Variants in CLDN16 observed in about 807,000 individuals in gnomAD.
CLDN16 encodes the protein claudin-16.
Under a neutral mutation model 24.6 loss-of-function variants are expected in CLDN16, and 13 were observed. That is an observed-to-expected ratio of 0.53 (90% CI 0.34 to 0.84). The LOEUF is 0.84. Ranked by LOEUF, CLDN16 falls within the 40% of genes least tolerant of loss-of-function variation. The pLI is 0.01. For missense variants in CLDN16, 298 were observed against 292.7 expected, an observed-to-expected ratio of 1.02 and a Z score of -0.13; for synonymous variants, 116 against 106.7, an observed-to-expected ratio of 1.09 and a Z score of -0.54.
At chr3:190,300,835 T>TA in the CLDN16 span, among the ~76,000 whole-genome samples, 1 of 152,146 alleles carries the variant, frequency 6.6e-6, no homozygotes, top group South Asian at 2.1e-4. Context: ...ATGCAATTAT[T>TA]AAAAGGGCAG....
chr3:190,331,207 T>A (rs1258959097), intron 1 of CLDN16, among the ~76,000 whole-genome samples: 2 of 152,190 alleles, frequency 1.3e-5, no homozygotes, highest in African/African-American at 4.8e-5. Flanking sequence ...TGGCTGGAAT[T>A]TGAATGCAAA....
chr3:190,353,066 G>A (rs922556936), intron 1 of CLDN16, among the ~76,000 whole-genome samples: 1 of 151,992 alleles, frequency 6.6e-6, no homozygotes, highest in Non-Finnish European at 1.5e-5. Context: ...TATTTGCTGA[G>A]TAAGTGATTT....
chr3:190,314,175 T>G, the CLDN16 span, among the ~76,000 whole-genome samples: 3 of 152,222 alleles, frequency 2.0e-5, no homozygotes, highest in South Asian at 6.2e-4. Flanking sequence ...TTGGAACAAT[T>G]GACTCCTTGA....
intron 1 of CLDN16, among the ~76,000 whole-genome samples, chr3:190,344,701 T>TA (rs5855325): frequency 0.048 from 7,040 of 145,336 alleles, 209 homozygotes; most frequent in Non-Finnish European, 0.061. Context: ...GCTGTGGAAA[T>TA]AAAAAAAAAA....
rs1411238482 is a variant in CLDN16 at position 190,410,961 on chromosome 3, A to C, written c.*925A>C. 6.6e-6 allele frequency: 1 copy of C among 152,190 alleles called. No individual in the cohort carries two copies. The highest frequency in any genetic ancestry group is 1.9e-4 in the East Asian group (1 of 5,196). 9.4% of individuals were successfully genotyped at this position (152,190 alleles called of 1,614,324 possible). On this transcript the variant is annotated 3_prime_UTR_variant, in exon 5 of 5. Coordinates refer to ENST00000264734, the MANE Select transcript of CLDN16 (RefSeq NM_006580.4). ...TAAATAAATAAACGTTCACGACTTT[A>C]CTTAAAAAATCAATGTTGCGGCTGG... is the stretch of plus-strand genomic sequence containing the variant.
chr3:190,354,950 C>T (rs1717738219), intron 1 of CLDN16, among the ~76,000 whole-genome samples: 1 of 151,978 alleles, frequency 6.6e-6, no homozygotes, highest in South Asian at 2.1e-4. Context: ...TGTCAAGTGC[C>T]TAACAAGTGG....
intron 1 of CLDN16, among the ~76,000 whole-genome samples, chr3:190,361,394 C>T (rs995903538): frequency 2.0e-5 from 3 of 151,958 alleles, no homozygotes; most frequent in African/African-American, 7.2e-5. Context: ...CTTGTTCATT[C>T]CTGAGCGTAG....
At chr3:190,350,377 G>C (rs1461956546) in intron 1 of CLDN16, among the ~76,000 whole-genome samples, 1 of 126,930 alleles carries the variant, frequency 7.9e-6, no homozygotes, top group Non-Finnish European at 1.7e-5. Flanking sequence ...CTTTATTATA[G>C]ATGTTGGATT....
intron 1 of CLDN16, among the ~76,000 whole-genome samples, chr3:190,337,763 G>A (rs74395351): frequency 0.07 from 10,720 of 152,156 alleles, 561 homozygotes; most frequent in African/African-American, 0.14. Flanking sequence ...TAGTATTTCT[G>A]TCAGCATTAT....
In CLDN16 at chr3:190,391,457, C is replaced by G. The variant is rs374520283; in HGVS notation, c.114+3014C>G. Among the ~76,000 whole-genome samples, 6 of 152,044 alleles carry G rather than the reference C, an allele frequency of 3.9e-5. No individual in the cohort carries two copies. In the East Asian group the frequency reaches 1.2e-3, roughly 29 times the overall value. ...AGCATAAATAAATTCATATTTTGAG[C>G]AAGAAATAAACGAAGTATCATTGGG... On this transcript the variant is annotated intron_variant, in intron 1 of 4. Coordinates refer to ENST00000264734, the MANE Select transcript of CLDN16 (RefSeq NM_006580.4).
chr3:190,326,644 A>C (rs1469109469), intron 1 of CLDN16, among the ~76,000 whole-genome samples: 1 of 152,156 alleles, frequency 6.6e-6, no homozygotes, highest in Admixed American at 6.5e-5. Flanking sequence ...TGAGAGAAAA[A>C]CAAACAAAAC....
intron 1 of CLDN16, among the ~76,000 whole-genome samples, chr3:190,370,480 G>C (rs912922147): frequency 8.6e-5 from 13 of 151,864 alleles, no homozygotes; most frequent in African/African-American, 3.1e-4. Flanking sequence ...TTACGGCTTG[G>C]TTGTAAAAAT....
the CLDN16 span, chr3:190,307,271 T>C: frequency 5.3e-5 from 8 of 152,180 alleles, no homozygotes; most frequent in African/African-American, 1.9e-4. Context: ...TAGGAAGATA[T>C]AAAACGCATG....
At chr3:190,310,378 T>G in the CLDN16 span, 1 of 709,474 alleles carries the variant, frequency 1.4e-6, no homozygotes. Flanking sequence ...CATTTTTATT[T>G]TGGTATTAGG....
At chr3:190,364,841 G>A (rs1000077427) in intron 1 of CLDN16, among the ~76,000 whole-genome samples, 6 of 149,820 alleles carry the variant, frequency 4.0e-5, no homozygotes, top group Admixed American at 2.0e-4. Context: ...TTTTTTTTTC[G>A]AGGTGATTAT....
chr3:190,332,930 T>C (rs1717215001), intron 1 of CLDN16, among the ~76,000 whole-genome samples: 2 of 152,142 alleles, frequency 1.3e-5, no homozygotes. Flanking sequence ...GAACATTGTA[T>C]TTCCAGTTGG....
At position 190,404,776 on chromosome 3, in the gene CLDN16, A is replaced by G. The variant is rs771816868; in HGVS notation, c.232A>G (p.Thr78Ala). Residue 78 changes from threonine to alanine, a missense_variant, in exon 3 of 5, where the codon ACT becomes GCT. Thr to Ala is a moderately conservative substitution (Grantham distance 58, BLOSUM62 0). Transcript: ENST00000264734. ...TGGTCTTCCAGTGAAGCTGGTGGTAACTCGAGCGTTGATGATTACTGCAGA... is the reference window on the plus strand; with the variant it reads ...TGGTCTTCCAGTGAAGCTGGTGGTAGCTCGAGCGTTGATGATTACTGCAGA... ...LAEHPLKLVVTRALMITADIL... is the reference protein window; with the variant it reads ...LAEHPLKLVVARALMITADIL... 22 of 1,613,820 alleles carry G rather than the reference A, an allele frequency of 1.4e-5. No homozygotes were observed. In the South Asian group the frequency reaches 1.9e-4, roughly 14 times the overall value.
At chr3:190,322,106 G>C, upstream of CLDN16, 1 of 1,614,226 alleles carries the variant, frequency 6.2e-7, no homozygotes, top group Non-Finnish European at 8.5e-7. Context: ...GCCGGCATAG[G>C]AGTAAATCCT....
upstream of CLDN16, chr3:190,322,130 GC>G (rs1362398766): frequency 6.8e-6 from 11 of 1,614,124 alleles, no homozygotes; most frequent in Non-Finnish European, 9.3e-6. Flanking sequence ...CTGGGGCAGG[GC>G]AGTGCTGACG....
Sources: allele counts gnomAD v4.1 joint callset (sites outside exome capture counted in the v4.1 genomes callset), GRCh38; gene constraint gnomAD v4.1.1; transcripts MANE v1.5; gene names NCBI Gene and HGNC (gene_info 2026-07-23, HGNC 2026-07-21).